Variants in PATJ observed in about 807,000 individuals in gnomAD.
PATJ encodes inaD-like protein.
Under a neutral mutation model 224.9 loss-of-function variants are expected in PATJ, and 190 were observed. The observed-to-expected ratio is 0.84, with a 90% CI of 0.75 to 0.95. The LOEUF (loss-of-function observed/expected upper bound fraction) is 0.95. PATJ is among the 40% of genes least tolerant of loss of function. The probability of loss-of-function intolerance (pLI) is 0.00; values close to 1 mark genes in which losing one functional copy is unlikely to be tolerated. For synonymous variants in PATJ, 769 were observed against 820.3 expected (o/e 0.94, Z 1.07); for missense variants, 2,121 against 2,270.3 (o/e 0.93, Z 1.34).
At chr1:62,044,366 C>G (rs921363220) in intron 30 of PATJ, among the ~76,000 whole-genome samples, 5 of 152,128 alleles carry the variant, frequency 3.3e-5, no homozygotes, top group Non-Finnish European at 5.9e-5. Flanking sequence ...GAATTTCATT[C>G]TTTGGTTTCG....
intron 33 of PATJ, among the ~76,000 whole-genome samples, chr1:62,099,347 CTTTTTTTTTTTTTT>C (rs71050197): frequency 5.4e-5 from 3 of 55,678 alleles, no homozygotes; most frequent in African/African-American, 2.3e-4. Context: ...ATATCTCCAA[CTTTTTTTTTTTTTT>C]TTTTTTTTTT....
chr1:62,055,359 T>C (rs1300090561), intron 31 of PATJ, among the ~76,000 whole-genome samples: 2 of 152,230 alleles, frequency 1.3e-5, no homozygotes, highest in South Asian at 2.1e-4. Context: ...AGAATATCTA[T>C]GTTCATATAA....
intron 20 of PATJ, among the ~76,000 whole-genome samples, chr1:61,874,646 C>T (rs759571215): frequency 3.3e-5 from 5 of 152,186 alleles, no homozygotes; most frequent in Non-Finnish European, 7.3e-5. Flanking sequence ...TCAGGGGAAA[C>T]ATAAATATTT....
At chr1:61,833,843 TG>T in intron 17 of PATJ, 58 bp downstream of exon 17, 1 of 1,509,828 alleles carries the variant, frequency 6.6e-7, no homozygotes, top group Non-Finnish European at 9.0e-7. Flanking sequence ...ATTAAAGTTA[TG>T]GGAAGTAGCA....
intron 4 of PATJ, 57 bp from the exon 5 acceptor site, chr1:61,769,226 A>G: frequency 6.5e-7 from 1 of 1,544,700 alleles, no homozygotes; most frequent in South Asian, 1.2e-5. Context: ...TTCTGCAGAC[A>G]GAGTATGTTG....
At chr1:62,110,370 G>A (rs11207902) in intron 34 of PATJ, among the ~76,000 whole-genome samples, 5,613 of 152,266 alleles carry the variant, frequency 0.037, 381 homozygotes, top group African/African-American at 0.13. Flanking sequence ...GCCTGTTTTC[G>A]TGGGATATTT....
chr1:62,058,373 TA>T (rs1308207200), intron 31 of PATJ, among the ~76,000 whole-genome samples: 4 of 152,192 alleles, frequency 2.6e-5, no homozygotes, highest in Non-Finnish European at 1.5e-5. Context: ...TTGATCCTTA[TA>T]AAAAAATTAA....
At chr1:62,045,276 G>A (rs1052906563) in intron 30 of PATJ, among the ~76,000 whole-genome samples, 2 of 151,388 alleles carry the variant, frequency 1.3e-5, no homozygotes, top group African/African-American at 2.4e-5. Flanking sequence ...CATCCTTAAC[G>A]AATTTAACTT....
intron 20 of PATJ, among the ~76,000 whole-genome samples, chr1:61,874,634 G>C (rs1156876086): frequency 6.6e-6 from 1 of 152,148 alleles, no homozygotes; most frequent in Non-Finnish European, 1.5e-5. Flanking sequence ...GAATTTGCAG[G>C]GTCAGGGGAA....
chr1:62,137,171 ATTAAGT>A (rs1666994218), intron 41 of PATJ, among the ~76,000 whole-genome samples: 1 of 151,914 alleles, frequency 6.6e-6, no homozygotes, highest in African/African-American at 2.4e-5. Flanking sequence ...TATAGTTCTA[ATTAAGT>A]TTAATGTTCC....
At chr1:62,155,351 G>A (rs1669074662) in intron 43 of PATJ, among the ~76,000 whole-genome samples, 1 of 152,156 alleles carries the variant, frequency 6.6e-6, no homozygotes, top group Non-Finnish European at 1.5e-5. Context: ...TCAATAGACT[G>A]GTGGGCTGGG....
chr1:62,046,135 G>A (rs986143791), intron 30 of PATJ, among the ~76,000 whole-genome samples: 5 of 151,530 alleles, frequency 3.3e-5, no homozygotes, highest in Non-Finnish European at 5.9e-5. Context: ...CCAAGAGGTC[G>A]AGGCTTCAGT....
chr1:62,079,403 T>C (rs1318054894), intron 31 of PATJ, 47 bp from the exon 32 acceptor site: 1 of 1,123,750 alleles, frequency 8.9e-7, no homozygotes, highest in East Asian at 2.3e-5. Flanking sequence ...ATTTTCTTGT[T>C]ACCTTTCTCC....
At chr1:61,930,637 A>G (rs1675892441) in intron 27 of PATJ, among the ~76,000 whole-genome samples, 1 of 152,112 alleles carries the variant, frequency 6.6e-6, no homozygotes, top group African/African-American at 2.4e-5. Flanking sequence ...CAGTAGCTCA[A>G]TCATGGCTCA....
intron 24 of PATJ, among the ~76,000 whole-genome samples, chr1:61,904,194 G>A (rs1267137324): frequency 6.6e-6 from 1 of 152,060 alleles, no homozygotes; most frequent in Admixed American, 6.6e-5. Flanking sequence ...TAGAAAATAA[G>A]TGAGACGAAT....
At chr1:61,907,481 C>T (rs1208046433) in intron 24 of PATJ, among the ~76,000 whole-genome samples, 2 of 152,174 alleles carry the variant, frequency 1.3e-5, no homozygotes, top group African/African-American at 4.8e-5. Flanking sequence ...TCCTCTTGAC[C>T]GTCCAAGGAT....
chr1:62,054,815 G>A (rs1654266690), intron 31 of PATJ, among the ~76,000 whole-genome samples: 2 of 152,078 alleles, frequency 1.3e-5, no homozygotes, highest in African/African-American at 4.8e-5. Flanking sequence ...CCAGCACTTT[G>A]GGATGCCGAG....
Position 62,051,003 on chromosome 1 carries a change from A to G in PATJ, c.4070A>G (p.Asp1357Gly), listed in dbSNP as rs1653508123. Residue 1357 changes from aspartate (D) to glycine (G), a missense_variant, in exon 31 of 44, where the codon GAT becomes GGT. By Grantham distance (94) the Asp-to-Gly change is moderately conservative. Transcript: ENST00000642238. ...ACCGAACCTATTAGTAGTGAGGAAG[A>G]TGGCAGCGTCGAAGTTGGTATTAAA... ...SGTEPISSEE[D>G]GSVEVGIKQL... is the part of the protein sequence containing the mutation. 3 of 1,614,114 alleles carry G rather than the reference A, an allele frequency of 1.9e-6. No individual in the cohort carries two copies. Among genetic ancestry groups the G allele is most frequent in the Non-Finnish European group, 2.5e-6 (3 of 1,179,952 alleles).
At chr1:61,993,047 A>T (rs145460080) in intron 28 of PATJ, among the ~76,000 whole-genome samples, 1 of 152,294 alleles carries the variant, frequency 6.6e-6, no homozygotes, top group East Asian at 1.9e-4. Context: ...AGACAGCGTC[A>T]GTCCCACAAG....
Sources: gnomAD v4.1 joint callset for allele counts (sites outside exome capture counted in the v4.1 genomes callset) on GRCh38, gnomAD v4.1.1 for gene constraint, MANE v1.5 for transcripts, NCBI Gene and HGNC (gene_info 2026-07-23, HGNC 2026-07-21) for gene names.